The following NEMP2 variants were observed in gnomAD, a reference collection of about 807,000 sequenced individuals.
NEMP2 encodes the protein nuclear envelope integral membrane protein 2, also known as UPF0571 transmembrane protein.
NEMP2 carries 53 observed loss-of-function variants against 54.2 expected under a neutral mutation model. The observed-to-expected ratio is 0.98, with a 90% CI of 0.78 to 1.23. The LOEUF (loss-of-function observed/expected upper bound fraction) is 1.23. NEMP2 is among the 50% of genes most tolerant of loss of function. NEMP2 has a pLI of 0.00. For synonymous variants in NEMP2, 197 were observed against 190.3 expected, an observed-to-expected ratio of 1.04 and a Z score of -0.29; for missense variants, 455 against 511.3, an observed-to-expected ratio of 0.89 and a Z score of 1.06.
At chr2:190,591,799 G>A in the NEMP2 span, among the ~76,000 whole-genome samples, 1 of 152,174 alleles carries the variant, frequency 6.6e-6, no homozygotes, top group African/African-American at 2.4e-5. This position sits in a 1 kb window ranked among gnomAD's most constrained non-coding sequence, Gnocchi z 5.4. Flanking sequence ...CATTATTGTT[G>A]TTAGGGAATC....
rs1303458456 is a variant in NEMP2, at chr2:190,533,052, C to T, written c.97+1507G>A. ...CAGGCTGTTACTATTATACTAAATG[C>T]GGTAACATAAAAACTTTAAAAACAC... On this transcript the variant is annotated intron_variant, in intron 1 of 8. Transcript: ENST00000409150. The surrounding 1 kb of genome is among the most constrained non-coding windows in gnomAD (Gnocchi z 4.3). Among the ~76,000 whole-genome samples, 1 of 152,114 alleles carries T rather than the reference C, an allele frequency of 6.6e-6. No homozygotes were observed.
Position 190,505,717 on chromosome 2 carries a change from G to T in NEMP2, c.*3472C>A, listed in dbSNP as rs994023069. 1.3e-5 allele frequency: 2 copies of T among 152,184 alleles called. No homozygotes were observed. The highest frequency in any genetic ancestry group is 1.3e-4 in the Admixed American group (2 of 15,282). The allele number at this position is 152,184 out of a possible 1,614,324, so 9.4% of individuals were successfully genotyped here. A position where few individuals can be genotyped will look rare whatever the true frequency, so the allele number is the denominator to read the frequency against. ...AGACTAAAGATTTTAACACATCTGAGTAAAAATATGCCCATCAGAGGGGGT... is the reference window on the plus strand; with the variant it reads ...AGACTAAAGATTTTAACACATCTGATTAAAAATATGCCCATCAGAGGGGGT... On this transcript the variant is annotated 3_prime_UTR_variant, in exon 9 of 9. Coordinates refer to ENST00000409150, the MANE Select transcript of NEMP2 (RefSeq NM_001142645.2). This position sits in a 1 kb window ranked among gnomAD's most constrained non-coding sequence, Gnocchi z 5.8.
the NEMP2 span, among the ~76,000 whole-genome samples, chr2:190,472,745 G>T: frequency 3.6e-4 from 55 of 152,242 alleles, no homozygotes; most frequent in Admixed American, 2.0e-3. Context: ...AAGCCACAAA[G>T]ATACTCCTCG....
At chr2:190,635,009 T>C in the NEMP2 span, among the ~76,000 whole-genome samples, 9 of 152,214 alleles carry the variant, frequency 5.9e-5, no homozygotes, top group African/African-American at 1.9e-4. This position sits in a 1 kb window ranked among gnomAD's most constrained non-coding sequence, Gnocchi z 4.1. Flanking sequence ...TAGCTTCTTA[T>C]GGTGTGTTTT....
At chr2:190,427,815 C>T in the NEMP2 span, among the ~76,000 whole-genome samples, 1 of 151,920 alleles carries the variant, frequency 6.6e-6, no homozygotes, top group Non-Finnish European at 1.5e-5. Context: ...CACTGCAATC[C>T]CCACCTCCTG....
intron 1 of NEMP2, 155 bp downstream of exon 1, chr2:190,534,404 G>A (rs1023687313): frequency 5.0e-6 from 6 of 1,211,960 alleles, no homozygotes; most frequent in Non-Finnish European, 6.1e-6. Context: ...AAGGGCGGGC[G>A]GGGCCTGCCC....
At chr2:190,458,891 C>T in the NEMP2 span, among the ~76,000 whole-genome samples, 4 of 152,156 alleles carry the variant, frequency 2.6e-5, no homozygotes, top group African/African-American at 9.7e-5. This position sits in a 1 kb window ranked among gnomAD's most constrained non-coding sequence, Gnocchi z 5.3. Flanking sequence ...AAGGCCTGCG[C>T]CAGAGGTCCC....
At chr2:190,444,724 G>T in the NEMP2 span, 1 of 167,102 alleles carries the variant, frequency 6.0e-6, no homozygotes, top group African/African-American at 2.4e-5. Context: ...TTCTACAGGG[G>T]TTAGAATTTA....
chr2:190,537,799 G>A (rs1470332474), upstream of NEMP2, among the ~76,000 whole-genome samples: 1 of 152,188 alleles, frequency 6.6e-6, no homozygotes, highest in Non-Finnish European at 1.5e-5. Flanking sequence ...GGAGCTGAAT[G>A]TTAATCAACA....
upstream of NEMP2, among the ~76,000 whole-genome samples, chr2:190,538,078 G>A (rs1691436477): frequency 6.6e-6 from 1 of 152,084 alleles, no homozygotes; most frequent in Non-Finnish European, 1.5e-5. The surrounding 1 kb of genome is among the most constrained non-coding windows in gnomAD (Gnocchi z 4.1). Flanking sequence ...ATCCACTCTA[G>A]CATTCCAAAC....
rs1215083747 is a variant in NEMP2, at chr2:190,525,437, A to T, written c.98-59T>A. ...TGTTTAATTGCCCAGAATCTTTTTTAAAAAAAGTTTGCAGGGAGGTAACAG... is the reference window on the plus strand; with the variant it reads ...TGTTTAATTGCCCAGAATCTTTTTTTAAAAAAGTTTGCAGGGAGGTAACAG... On this transcript the variant is annotated intron_variant, in intron 1 of 8. Transcript: ENST00000409150. This position sits in a 1 kb window ranked among gnomAD's most constrained non-coding sequence, Gnocchi z 5.0. 11 of 1,054,228 alleles carry T rather than the reference A, an allele frequency of 1.0e-5. 1 individual carries two copies. Among genetic ancestry groups the T allele is most frequent in the East Asian group, 5.3e-5 (2 of 37,548 alleles). The allele number at this position is 1,054,228 out of a possible 1,614,324, so 65.3% of individuals were successfully genotyped here.
chr2:190,519,505 G>A lies in NEMP2; in HGVS notation c.214-322C>T, dbSNP rs991524981. Among the ~76,000 whole-genome samples the A allele has an allele frequency of 7.2e-5, 11 of 152,230 alleles. No individual in the cohort carries two copies. Among genetic ancestry groups the A allele is most frequent in the Admixed American group, 5.9e-4 (9 of 15,282 alleles). ...CAAAGTGCTGGGATTACCGGCATGA[G>A]CCACTGCATCCAGCCAAAACTTCTT... On this transcript the variant is annotated intron_variant, in intron 2 of 8. Coordinates refer to ENST00000409150, the MANE Select transcript of NEMP2 (RefSeq NM_001142645.2). The surrounding 1 kb of genome is among the most constrained non-coding windows in gnomAD (Gnocchi z 5.4).
At chr2:190,516,430 T>A (rs1690559782) in intron 5 of NEMP2, 46 bp from the exon 6 acceptor site, 1 of 1,374,290 alleles carries the variant, frequency 7.3e-7, no homozygotes, top group South Asian at 1.3e-5. Context: ...GTTCATTCAC[T>A]CTCATAAAAA....
At chr2:190,568,334 G>C in the NEMP2 span, among the ~76,000 whole-genome samples, 1 of 152,176 alleles carries the variant, frequency 6.6e-6, no homozygotes, top group Non-Finnish European at 1.5e-5. This position sits in a 1 kb window ranked among gnomAD's most constrained non-coding sequence, Gnocchi z 4.7. Context: ...ATGAATCAAT[G>C]CAGTAAGAGG....
At chr2:190,633,311 CTT>C in the NEMP2 span, among the ~76,000 whole-genome samples, 51 of 132,410 alleles carry the variant, frequency 3.9e-4, no homozygotes, top group Non-Finnish European at 5.0e-4. Flanking sequence ...TCAACTTTTC[CTT>C]TTTTTTTTTT....
the NEMP2 span, chr2:190,463,778 C>T: frequency 1.5e-6 from 1 of 667,216 alleles, no homozygotes; most frequent in Non-Finnish European, 1.9e-6. The surrounding 1 kb of genome is among the most constrained non-coding windows in gnomAD (Gnocchi z 4.4). Context: ...TGTGATGACG[C>T]TACTGCACTC....
the NEMP2 span, among the ~76,000 whole-genome samples, chr2:190,461,045 T>G: frequency 1.3e-5 from 2 of 152,240 alleles, no homozygotes; most frequent in Non-Finnish European, 2.9e-5. This position sits in a 1 kb window ranked among gnomAD's most constrained non-coding sequence, Gnocchi z 5.5. Flanking sequence ...TCCTATGTCT[T>G]TCTTAACTCT....
At chr2:190,468,816 GTTTA>G in the NEMP2 span, among the ~76,000 whole-genome samples, 1 of 152,058 alleles carries the variant, frequency 6.6e-6, no homozygotes, top group South Asian at 2.1e-4. Context: ...TATCGTGTTG[GTTTA>G]TTTCTTTTAC....
At chr2:190,466,312 G>A in the NEMP2 span, among the ~76,000 whole-genome samples, 1 of 152,206 alleles carries the variant, frequency 6.6e-6, no homozygotes, top group South Asian at 2.1e-4. Context: ...TACTATGGCA[G>A]TTTAAATATC....
Sources: allele counts gnomAD v4.1 joint callset (sites outside exome capture counted in the v4.1 genomes callset), GRCh38; gene constraint gnomAD v4.1.1; non-coding constraint Gnocchi (gnomAD v3.1); transcripts MANE v1.5; gene names NCBI Gene and HGNC (gene_info 2026-07-23, HGNC 2026-07-21).